The following SYNPO2L variants were observed in gnomAD, a reference collection of about 807,000 sequenced individuals.
The protein encoded by SYNPO2L is synaptopodin 2-like protein.
A neutral mutation model predicts 47.5 loss-of-function variants in SYNPO2L; 34 were observed. The observed-to-expected ratio is 0.72, with a 90% confidence interval of 0.54 to 0.95. The LOEUF (loss-of-function observed/expected upper bound fraction) is 0.95, where lower values mean the gene tolerates loss of function less well. Ranked by LOEUF, SYNPO2L falls within the 40% of genes least tolerant of loss-of-function variation. The pLI, the probability that SYNPO2L is intolerant of heterozygous loss-of-function variation, is 0.00. For synonymous variants in SYNPO2L, 536 were observed against 524.9 expected (o/e 1.02, Z -0.29); for missense variants, 1,246 against 1,282.0 (o/e 0.97, Z 0.43).
In SYNPO2L at chr10:73,648,068, G is replaced by A. The variant is rs2081792871; in HGVS notation, c.1584C>T (p.His528=). 2 of 1,583,056 alleles carry A rather than the reference G, an allele frequency of 1.3e-6. No individual in the cohort carries two copies. The highest frequency in any genetic ancestry group is 1.7e-6 in the Non-Finnish European group (2 of 1,165,370). The change falls in exon 4 of 4, where the codon CAC becomes CAT. Residue 528 remains histidine (H), a synonymous_variant. Coordinates refer to ENST00000394810, the MANE Select transcript of SYNPO2L (RefSeq NM_001114133.3). ...TGCTGGGGGAACCAGAGACTGGCGC[G>A]TGGCTGGGAACCCCTGAAGTGAAGC... ...LPSFTSGVPS[H]APVSGSPSTP... is the part of the protein sequence containing the mutation.
Position 73,646,042 on chromosome 10 carries a change from T to C in SYNPO2L, c.*676A>G. 2.1e-6 allele frequency: 2 copies of C among 961,726 alleles called. No homozygotes were observed. Among genetic ancestry groups the C allele is most frequent in the Non-Finnish European group, 2.5e-6 (2 of 808,220 alleles). The allele number at this position is 961,726 out of a possible 1,614,324, so 59.6% of individuals were successfully genotyped here. On this transcript the variant is annotated 3_prime_UTR_variant, in exon 4 of 4. Coordinates refer to ENST00000394810, the MANE Select transcript of SYNPO2L (RefSeq NM_001114133.3). ...GGTTTCACCGTGTTAGCCAGGATGG[T>C]CTCGATCTCCTGACCTCGTGATCCG... is the stretch of plus-strand genomic sequence containing the variant.
In SYNPO2L at chr10:73,653,355, G is replaced by T. The variant is rs534037951; in HGVS notation, c.556C>A (p.Pro186Thr). ...YLSDSPAEPA[P>T]TIPGPPSQGD... ...TGGCTGGGAGGGCCAGGGATAGTAG[G>T]TGCTGGCTCTGCAGGGCTGTCAGAC... The change falls in exon 3 of 4, where the codon CCT becomes ACT. Residue 186 changes from proline to threonine, a missense_variant. This residue lies in a region of SYNPO2L where 148 missense variants were observed against 204.8 expected (regional missense o/e 0.72). Transcript: ENST00000394810. 6.4e-7 allele frequency: 1 copy of T among 1,551,612 alleles called. No homozygotes were observed. Among genetic ancestry groups the T allele is most frequent in the Admixed American group, 2.0e-5 (1 of 51,012 alleles).
chr10:73,648,447 G>C lies in SYNPO2L; in HGVS notation c.1205C>G (p.Thr402Ser). 1.9e-6 allele frequency: 3 copies of C among 1,610,150 alleles called. No individual in the cohort carries two copies. The highest frequency in any genetic ancestry group is 1.1e-5 in the South Asian group (1 of 91,090). ...TGGTTCGACCCGTGCCAGTTCCTGG[G>C]TGCTGGAGTCTGCGCGCTGGCGCTG... ...EQQRQRADSS[T>S]QELARVEPAA... is the part of the protein sequence containing the mutation. The change falls in exon 4 of 4, where the codon ACC (threonine) becomes AGC (serine). Residue 402 changes from threonine (T) to serine (S), a missense_variant. Physicochemically the swap from Thr to Ser is moderately conservative, Grantham distance 58. This residue lies in a region of SYNPO2L where 1,037 missense variants were observed against 1,021.5 expected (regional missense o/e 1.02). Transcript: ENST00000394810.
Position 73,648,692 on chromosome 10 carries a change from G to A in SYNPO2L, c.960C>T (p.Gly320=), listed in dbSNP as rs576909291. The A allele has an allele frequency of 6.2e-7, 1 of 1,610,206 alleles. No individual in the cohort carries two copies. The part of the protein sequence containing the change: ...LVSFGAAAGT[G]AEEEDGVPPT... ...GGGGAACGCCGTCCTCCTCCTCAGC[G>A]CCTGTCCCAGCAGCAGCCCCGAAGC... The change falls in exon 4 of 4, where the codon GGC becomes GGT. Residue 320 remains glycine (G), a synonymous_variant. Transcript: ENST00000394810.
At position 73,644,908 on chromosome 10, in the gene SYNPO2L, G is replaced by T; in HGVS notation, c.*1810C>A. 1 of 879,272 alleles carries T rather than the reference G, an allele frequency of 1.1e-6. No individual in the cohort carries two copies. The highest frequency in any genetic ancestry group is 1.5e-6 in the Non-Finnish European group (1 of 652,900). 54.5% of individuals were successfully genotyped at this position (879,272 alleles called of 1,614,324 possible). ...AGGTATGGGGCATAAATTTATTCTT[G>T]TGCACAAACCAAAGTATTGTGACTC... is the stretch of plus-strand genomic sequence containing the variant. On this transcript the variant is annotated 3_prime_UTR_variant, in exon 4 of 4. Transcript: ENST00000394810.
In SYNPO2L at chr10:73,656,028, C is replaced by T; in HGVS notation, c.-106G>A. On this transcript the variant is annotated 5_prime_UTR_variant, in exon 1 of 4. Transcript: ENST00000394810. ...TTCCTGTCCGGCTGTCCTGCTCCTGCTGCCCCAGGCCTCCCCCCCACACCA... is the reference window on the plus strand; with the variant it reads ...TTCCTGTCCGGCTGTCCTGCTCCTGTTGCCCCAGGCCTCCCCCCCACACCA... The T allele has an allele frequency of 2.2e-6, 2 of 916,664 alleles. No individual in the cohort carries two copies. Among genetic ancestry groups the T allele is most frequent in the Non-Finnish European group, 3.2e-6 (2 of 615,900 alleles). 56.8% of individuals were successfully genotyped at this position (916,664 alleles called of 1,614,324 possible). A position where few individuals can be genotyped will look rare whatever the true frequency, so the allele number is the denominator to read the frequency against.
rs2081770589 is a variant in SYNPO2L, at chr10:73,647,376, C to G, written c.2276G>C (p.Gly759Ala). 1 of 1,614,028 alleles carries G rather than the reference C, an allele frequency of 6.2e-7. No homozygotes were observed. Among genetic ancestry groups the G allele is most frequent in the Non-Finnish European group, 8.5e-7 (1 of 1,179,964 alleles). ...GCTCTGCCGCTTAGCAAACAGCTCC[C>G]CACCCCTGCCCTGCAGCCTTGGTGG... is the stretch of plus-strand genomic sequence containing the variant. ...PEPPRLQGRG[G>A]ELFAKRQSRA... The change falls in exon 4 of 4, where the codon GGG becomes GCG. Residue 759 changes from glycine (G) to alanine (A), a missense_variant. Coordinates refer to ENST00000394810, the MANE Select transcript of SYNPO2L (RefSeq NM_001114133.3).
chr10:73,654,716 G>A (rs957762200), intron 1 of SYNPO2L, among the ~76,000 whole-genome samples: 5 of 152,046 alleles, frequency 3.3e-5, no homozygotes, highest in African/African-American at 9.7e-5. Flanking sequence ...GGTGGTGTGC[G>A]CCTGTAATCC....
At chr10:73,649,627 A>C in intron 3 of SYNPO2L, 4 of 702,124 alleles carry the variant, frequency 5.7e-6, no homozygotes, top group Non-Finnish European at 7.0e-6. Flanking sequence ...GTAAATACAC[A>C]TGTGTGCACA....
In SYNPO2L at chr10:73,647,201, G is replaced by A. The variant is rs376014794; in HGVS notation, c.2451C>T (p.Leu817=). ...GGGCCGCCTGGGGGAAAAAGGGAGA[G>A]AGCAGTGGGTTGTAAGCAATAGGAG... ...APPPIAYNPL[L]SPFFPQAART... The change falls in exon 4 of 4, where the codon CTC becomes CTT. Residue 817 remains leucine, a synonymous_variant. Coordinates refer to ENST00000394810, the MANE Select transcript of SYNPO2L (RefSeq NM_001114133.3). 19 of 1,613,958 alleles carry A rather than the reference G, an allele frequency of 1.2e-5. No individual in the cohort carries two copies. Among genetic ancestry groups the A allele is most frequent in the African/African-American group, 2.7e-5 (2 of 74,996 alleles).
At position 73,647,467 on chromosome 10, in the gene SYNPO2L, GCTTAGGAGCCACTGGGGGTGGAGT is replaced by G. The variant is rs2081773080; in HGVS notation, c.2161_2184del (p.Thr721_Lys728del). On this transcript the variant is annotated inframe_deletion, in exon 4 of 4. Coordinates refer to ENST00000394810, the MANE Select transcript of SYNPO2L (RefSeq NM_001114133.3). ...CCATCAAGGAGCCCTCGAGATGGGG[GCTTAGGAGCCACTGGGGGTGGAGT>G]CTTAGGAGTCATAGGGGGCGGGGTC... The G allele has an allele frequency of 6.3e-7, 1 of 1,598,042 alleles. No homozygotes were observed. The highest frequency in any genetic ancestry group is 2.2e-5 in the East Asian group (1 of 44,592).
intron 1 of SYNPO2L, among the ~76,000 whole-genome samples, chr10:73,654,892 C>T (rs1352827464): frequency 1.3e-5 from 2 of 151,998 alleles, no homozygotes; most frequent in Admixed American, 1.3e-4. Context: ...TCTCCACAAG[C>T]TTTTTCTCCA....
At position 73,645,055 on chromosome 10, in the gene SYNPO2L, A is replaced by G; in HGVS notation, c.*1663T>C. Reference sequence around the variant, plus strand: ...AGATCAGGACCTGAAGCTGAAAAGAAGCAATAGCTGGGGTTTTGAGGGATG... The same window carrying G: ...AGATCAGGACCTGAAGCTGAAAAGAGGCAATAGCTGGGGTTTTGAGGGATG... On this transcript the variant is annotated 3_prime_UTR_variant, in exon 4 of 4. Coordinates refer to ENST00000394810, the MANE Select transcript of SYNPO2L (RefSeq NM_001114133.3). 1 of 1,266,400 alleles carries G rather than the reference A, an allele frequency of 7.9e-7. No individual in the cohort carries two copies. Among genetic ancestry groups the G allele is most frequent in the Admixed American group, 2.8e-5 (1 of 35,448 alleles). 78.4% of individuals were successfully genotyped at this position (1,266,400 alleles called of 1,614,324 possible). A position where few individuals can be genotyped will look rare whatever the true frequency, so the allele number is the denominator to read the frequency against.
rs2081735677 is a variant in SYNPO2L, at chr10:73,645,390, C to T, written c.*1328G>A. 5 of 1,006,134 alleles carry T rather than the reference C, an allele frequency of 5.0e-6. No homozygotes were observed. In the South Asian group the frequency reaches 2.1e-4, roughly 41 times the overall value. 62.3% of individuals were successfully genotyped at this position (1,006,134 alleles called of 1,614,324 possible). A position where few individuals can be genotyped will look rare whatever the true frequency, so the allele number is the denominator to read the frequency against. On this transcript the variant is annotated 3_prime_UTR_variant, in exon 4 of 4. Transcript: ENST00000394810. ...CACACTTCTGTCTGTGGCTCAATCACTTACACTCATTTCTGCCATGCTTCT... is the reference window on the plus strand; with the variant it reads ...CACACTTCTGTCTGTGGCTCAATCATTTACACTCATTTCTGCCATGCTTCT...
Position 73,648,206 on chromosome 10 carries a change from G to A in SYNPO2L, c.1446C>T (p.Thr482=). 1 of 1,576,808 alleles carries A rather than the reference G, an allele frequency of 6.3e-7. No individual in the cohort carries two copies. Among genetic ancestry groups the A allele is most frequent in the South Asian group, 1.1e-5 (1 of 88,028 alleles). Residue 482 remains threonine, a synonymous_variant, in exon 4 of 4, where the codon ACC becomes ACT. Transcript: ENST00000394810. ...CTAAAGGCCGGAAAATAACCGAGGT[G>A]GTAGTTGGCCGCTGCCCTTGTAGGC... is the stretch of plus-strand genomic sequence containing the variant. ...TPGLQGQRPT[T]TSVIFRPLAP...
At chr10:73,654,323 A>G in intron 1 of SYNPO2L, 43 bp from the exon 2 acceptor site, 2 of 1,548,380 alleles carry the variant, frequency 1.3e-6, no homozygotes, top group Non-Finnish European at 1.7e-6. Flanking sequence ...GGGGGCTCCA[A>G]AGGGAATAGA....
At position 73,644,990 on chromosome 10, in the gene SYNPO2L, G is replaced by A. The variant is rs1372529359; in HGVS notation, c.*1728C>T. The A allele has an allele frequency of 1.6e-6, 2 of 1,243,862 alleles. No homozygotes were observed. Among genetic ancestry groups the A allele is most frequent in the Non-Finnish European group, 2.1e-6 (2 of 965,964 alleles). The allele number at this position is 1,243,862 out of a possible 1,614,324, so 77.1% of individuals were successfully genotyped here. A position where few individuals can be genotyped will look rare whatever the true frequency, so the allele number is the denominator to read the frequency against. On this transcript the variant is annotated 3_prime_UTR_variant, in exon 4 of 4. Transcript: ENST00000394810. ...CCAGATTACACAGCAAACGTAGCTG[G>A]TGGTGGTCTTGGTGAGAAGGGAGTC... is the stretch of plus-strand genomic sequence containing the variant.
rs936642656 is a variant in SYNPO2L, at chr10:73,646,000, A to G, written c.*718T>C. 8.9e-6 allele frequency: 8 copies of G among 903,784 alleles called. No individual in the cohort carries two copies. In the African/African-American group the frequency reaches 1.4e-4, roughly 16 times the overall value. The allele number at this position is 903,784 out of a possible 1,614,324, so 56.0% of individuals were successfully genotyped here. ...CCACCACGCCCAGCTAATTTTTTGTATTTTTAGTGGAAATGGGGTTTCACC... is the reference window on the plus strand; with the variant it reads ...CCACCACGCCCAGCTAATTTTTTGTGTTTTTAGTGGAAATGGGGTTTCACC... On this transcript the variant is annotated 3_prime_UTR_variant, in exon 4 of 4. Coordinates refer to ENST00000394810, the MANE Select transcript of SYNPO2L (RefSeq NM_001114133.3).
intron 3 of SYNPO2L, among the ~76,000 whole-genome samples, chr10:73,651,381 A>G (rs1330493021): frequency 1.3e-5 from 2 of 152,200 alleles, no homozygotes; most frequent in African/African-American, 2.4e-5. Context: ...CAGGGATGTC[A>G]GACTCTCAAC....
Sources: gnomAD v4.1 joint callset for allele counts (sites outside exome capture counted in the v4.1 genomes callset) on GRCh38, gnomAD v4.1.1 for gene constraint, gnomAD v4.1.1 regional missense constraint, MANE v1.5 for transcripts, NCBI Gene and HGNC (gene_info 2026-07-23, HGNC 2026-07-21) for gene names.